FRMD6: variants seen among roughly 807,000 people sequenced by gnomAD.
The protein encoded by FRMD6 is FERM domain-containing protein 6.
Under a neutral mutation model 73.2 loss-of-function variants are expected in FRMD6, and 37 were observed. That is an observed-to-expected ratio of 0.51 (90% CI 0.39 to 0.66). The LOEUF (loss-of-function observed/expected upper bound fraction) is 0.66, where lower values mean the gene tolerates loss of function less well. FRMD6 is among the 30% of genes least tolerant of loss of function. The pLI, the probability that FRMD6 is intolerant of heterozygous loss-of-function variation, is 0.00. For missense variants in FRMD6, 714 were observed against 780.5 expected (o/e 0.91, Z 1.02); for synonymous variants, 273 against 282.2 (o/e 0.97, Z 0.33).
At chr14:51,410,039 A>G in the FRMD6 span, among the ~76,000 whole-genome samples, 2,154 of 152,354 alleles carry the variant, frequency 0.014, 19 homozygotes, top group Non-Finnish European at 0.021. Context: ...CAGTGTTTCA[A>G]TGGAGAACTA....
intron 2 of FRMD6, chr14:51,576,158 A>C (rs955429162): frequency 6.6e-6 from 1 of 152,276 alleles, no homozygotes; most frequent in Non-Finnish European, 1.5e-5. Flanking sequence ...GAGTCTGCAG[A>C]AACTAGAGGC....
the FRMD6 span, among the ~76,000 whole-genome samples, chr14:51,425,993 T>A: frequency 2.4e-4 from 37 of 151,626 alleles, 1 homozygote; most frequent in African/African-American, 8.2e-4. Context: ...CTGGCCACCC[T>A]GCCCTGAACT....
chr14:51,534,276 A>T (rs1334507171), intron 1 of FRMD6, among the ~76,000 whole-genome samples: 1 of 152,206 alleles, frequency 6.6e-6, no homozygotes, highest in Non-Finnish European at 1.5e-5. Flanking sequence ...TACCCATATA[A>T]TATCACTATT....
At chr14:51,591,231 T>C (rs1214826031) in intron 2 of FRMD6, among the ~76,000 whole-genome samples, 1 of 151,146 alleles carries the variant, frequency 6.6e-6, no homozygotes, top group Non-Finnish European at 1.5e-5. Context: ...TGGAAGTATG[T>C]GGTGGTGTTG....
chr14:51,542,587 A>G (rs1330408317), intron 1 of FRMD6, among the ~76,000 whole-genome samples: 2 of 152,054 alleles, frequency 1.3e-5, no homozygotes, highest in African/African-American at 4.8e-5. Context: ...GCTTCTATGA[A>G]CATTTGTGTA....
chr14:51,617,491 C>T (rs148344422), intron 2 of FRMD6, among the ~76,000 whole-genome samples: 5 of 152,154 alleles, frequency 3.3e-5, no homozygotes, highest in African/African-American at 1.2e-4. Context: ...AGTGAGATAA[C>T]GAACATGAAT....
the FRMD6 span, among the ~76,000 whole-genome samples, chr14:51,483,699 A>T: frequency 6.6e-6 from 1 of 152,264 alleles, no homozygotes; most frequent in South Asian, 2.1e-4. Flanking sequence ...TAATCAGGGA[A>T]GTGATAAAGT....
chr14:51,447,726 C>T, the FRMD6 span, among the ~76,000 whole-genome samples: 1 of 152,210 alleles, frequency 6.6e-6, no homozygotes, highest in African/African-American at 2.4e-5. Flanking sequence ...CTACCACTGG[C>T]TGCAGTCCTG....
the FRMD6 span, among the ~76,000 whole-genome samples, chr14:51,417,575 G>A: frequency 5.3e-5 from 8 of 152,182 alleles, no homozygotes; most frequent in Non-Finnish European, 8.8e-5. Flanking sequence ...CTCTCTGGCT[G>A]CCCTTAACAT....
At chr14:51,420,246 T>C in the FRMD6 span, among the ~76,000 whole-genome samples, 769 of 152,342 alleles carry the variant, frequency 5.0e-3, 8 homozygotes, top group African/African-American at 0.017. Context: ...AAAGTCACTC[T>C]ACTACTATTG....
At chr14:51,601,949 T>C (rs1224521610) in intron 2 of FRMD6, among the ~76,000 whole-genome samples, 1 of 152,216 alleles carries the variant, frequency 6.6e-6, no homozygotes, top group Admixed American at 6.5e-5. Flanking sequence ...CACCAGTAGA[T>C]AAGTCATCTT....
intron 1 of FRMD6, among the ~76,000 whole-genome samples, chr14:51,653,817 T>C (rs1892613792): frequency 6.6e-6 from 1 of 152,242 alleles, no homozygotes; most frequent in South Asian, 2.1e-4. Context: ...TCCCAGTATG[T>C]TTGTAAACAT....
chr14:51,499,648 C>T (rs1883491204), intron 1 of FRMD6, among the ~76,000 whole-genome samples: 1 of 152,178 alleles, frequency 6.6e-6, no homozygotes, highest in Non-Finnish European at 1.5e-5. Context: ...TGTCTACATA[C>T]AGGGAAAGCA....
the FRMD6 span, among the ~76,000 whole-genome samples, chr14:51,426,778 T>C: frequency 6.6e-6 from 1 of 152,150 alleles, no homozygotes; most frequent in African/African-American, 2.4e-5. Context: ...ACTCCAAGCT[T>C]CTCTGCTACC....
the FRMD6 span, among the ~76,000 whole-genome samples, chr14:51,457,898 G>A: frequency 6.6e-6 from 1 of 152,108 alleles, no homozygotes; most frequent in Admixed American, 6.5e-5. Flanking sequence ...TTACTAATGG[G>A]GAACACATGG....
chr14:51,558,503 G>T (rs1479518780), intron 1 of FRMD6, among the ~76,000 whole-genome samples: 1 of 150,994 alleles, frequency 6.6e-6, no homozygotes, highest in Non-Finnish European at 1.5e-5. Context: ...AACTAAATGA[G>T]CAAATGAATA....
chr14:51,464,778 A>G, the FRMD6 span, among the ~76,000 whole-genome samples: 1 of 152,168 alleles, frequency 6.6e-6, no homozygotes, highest in African/African-American at 2.4e-5. Context: ...TGCATACTCA[A>G]TGGTGAGGTC....
At chr14:51,607,212 C>CT (rs780904521) in intron 2 of FRMD6, among the ~76,000 whole-genome samples, 3 of 152,140 alleles carry the variant, frequency 2.0e-5, no homozygotes, top group Admixed American at 6.5e-5. Context: ...CATCACGCTG[C>CT]TGTGGGGGAC....
chr14:51,702,562 C>T lies in FRMD6; in HGVS notation c.345C>T (p.Tyr115=), dbSNP rs111672132. 34 of 1,611,726 alleles carry T rather than the reference C, an allele frequency of 2.1e-5. No individual in the cohort carries two copies. Among genetic ancestry groups the T allele is most frequent in the African/African-American group, 1.9e-4 (14 of 74,766 alleles). Residue 115 remains tyrosine (Y), a synonymous_variant, in exon 5 of 14, where the codon TAC becomes TAT. Coordinates refer to ENST00000344768, the MANE Select transcript of FRMD6 (RefSeq NM_001267046.2). ...TGATCATCCACTTCCGTGTGCAGTACTATGTGGAAAATGGCAGATTGATCA... is the reference window on the plus strand; with the variant it reads ...TGATCATCCACTTCCGTGTGCAGTATTATGTGGAAAATGGCAGATTGATCA... ...PPMIIHFRVQ[Y]YVENGRLISD...
Sources: allele counts gnomAD v4.1 joint callset (sites outside exome capture counted in the v4.1 genomes callset), GRCh38; gene constraint gnomAD v4.1.1; transcripts MANE v1.5; gene names NCBI Gene and HGNC (gene_info 2026-07-23, HGNC 2026-07-21).